FBXO11: variants seen among roughly 807,000 people sequenced by gnomAD.
FBXO11 encodes F-box only protein 11.
In FBXO11, 13 loss-of-function variants were observed where a neutral mutation model predicts 117.0. That is an observed-to-expected ratio of 0.11 (90% CI 0.07 to 0.18). The LOEUF is 0.18. Among genes scored for constraint, FBXO11 ranks in the 10% least tolerant of loss-of-function variants. FBXO11 has a pLI of 1.00. For missense variants in FBXO11, 767 were observed against 1,164.4 expected, an observed-to-expected ratio of 0.66 and a Z score of 4.97; for synonymous variants, 490 against 380.5, an observed-to-expected ratio of 1.29 and a Z score of -3.35.
intron 1 of FBXO11, among the ~76,000 whole-genome samples, chr2:47,889,307 A>G (rs1234653903): frequency 6.6e-6 from 1 of 152,234 alleles, no homozygotes; most frequent in Non-Finnish European, 1.5e-5. Context: ...AGAACCATGT[A>G]GACTATTCCC....
intron 1 of FBXO11, among the ~76,000 whole-genome samples, chr2:47,840,544 G>A (rs889557687): frequency 6.7e-6 from 1 of 148,312 alleles, no homozygotes; most frequent in Non-Finnish European, 1.5e-5. Flanking sequence ...TCAACCTCTT[G>A]GCCTCAAGCA....
At position 47,905,598 on chromosome 2, in the gene FBXO11, GGGC is replaced by G. The variant is rs923106260; in HGVS notation, c.120_122del (p.Pro41del). The stretch of plus-strand genomic sequence containing the variant: ...GCGGCGGCGGCGGAGGCTGCTGCTG[GGGC>G]GGCTGCTGCTGGGGCGGCTGCGGCG... On this transcript the variant is annotated inframe_deletion, in exon 1 of 23. Coordinates refer to ENST00000403359, the MANE Select transcript of FBXO11 (RefSeq NM_001190274.2). 27 of 1,294,084 alleles carry G rather than the reference GGGC, an allele frequency of 2.1e-5. No individual in the cohort carries two copies. The highest frequency in any genetic ancestry group is 2.3e-5 in the Non-Finnish European group (24 of 1,021,328). The allele number at this position is 1,294,084 out of a possible 1,614,324, so 80.2% of individuals were successfully genotyped here.
At chr2:47,855,908 T>TAG (rs1361042891) in intron 1 of FBXO11, among the ~76,000 whole-genome samples, 1 of 149,804 alleles carries the variant, frequency 6.7e-6, no homozygotes. Flanking sequence ...TGGTAAGATA[T>TAG]AGATGAGCCT....
chr2:47,893,472 T>C (rs1048500879), intron 1 of FBXO11, among the ~76,000 whole-genome samples: 1 of 152,178 alleles, frequency 6.6e-6, no homozygotes, highest in Non-Finnish European at 1.5e-5. Context: ...GCTCAGGAGA[T>C]AAATTATTAA....
intron 1 of FBXO11, among the ~76,000 whole-genome samples, chr2:47,874,988 A>G (rs921029621): frequency 6.6e-6 from 1 of 150,954 alleles, no homozygotes; most frequent in African/African-American, 2.4e-5. Context: ...CGTCTTCTGC[A>G]TTCAATTCTT....
intron 1 of FBXO11, among the ~76,000 whole-genome samples, chr2:47,878,465 TC>T (rs987695676): frequency 2.7e-4 from 41 of 151,842 alleles, no homozygotes; most frequent in African/African-American, 9.7e-4. Flanking sequence ...CAAGCAATTC[TC>T]CTGCCTCAGC....
At chr2:47,814,238 A>G (rs330787) in intron 16 of FBXO11, 125,438 of 186,678 alleles carry the variant, frequency 0.67, 43,090 homozygotes, top group African/African-American at 0.83. Context: ...AGAGAGTCGC[A>G]TCAATTTTTT....
At chr2:47,899,078 T>C (rs1223224460) in intron 1 of FBXO11, among the ~76,000 whole-genome samples, 2 of 151,876 alleles carry the variant, frequency 1.3e-5, no homozygotes, top group African/African-American at 2.4e-5. Context: ...ATCGAGACCA[T>C]CCTGGCTAAC....
At chr2:47,871,173 C>G (rs1675599081) in intron 1 of FBXO11, among the ~76,000 whole-genome samples, 1 of 152,166 alleles carries the variant, frequency 6.6e-6, no homozygotes, top group Non-Finnish European at 1.5e-5. Context: ...TAGCTACCTG[C>G]TTGCTCTCTT....
intron 1 of FBXO11, among the ~76,000 whole-genome samples, chr2:47,849,448 G>A (rs1222717845): frequency 6.6e-6 from 1 of 152,052 alleles, no homozygotes; most frequent in Non-Finnish European, 1.5e-5. Flanking sequence ...TACTTAAAAT[G>A]ACTTAAAAAA....
chr2:47,868,582 C>T (rs1053724475), intron 1 of FBXO11, among the ~76,000 whole-genome samples: 3 of 152,164 alleles, frequency 2.0e-5, no homozygotes, highest in Non-Finnish European at 4.4e-5. Context: ...TAATCGCCCA[C>T]ATTCCATATT....
At chr2:47,828,500 C>T (rs74493391) in intron 11 of FBXO11, among the ~76,000 whole-genome samples, 10 of 151,842 alleles carry the variant, frequency 6.6e-5, no homozygotes, top group Admixed American at 3.3e-4. Context: ...CCCACCTACT[C>T]GGGAGACTGA....
chr2:47,820,410 A>C lies in FBXO11; in HGVS notation c.1749T>G (p.Ile583Met). The change falls in exon 14 of 23, where the codon ATT becomes ATG. Residue 583 changes from isoleucine (I) to methionine (M), a missense_variant. Transcript: ENST00000403359. ...GIQIRTNSCP[I>M]VRHNKIHDGQ... The stretch of plus-strand genomic sequence containing the variant: ...CATCATGAATTTTGTTATGCCGAAC[A>C]ATTGGACAACTGTTTGTCCTAATTT... 6.2e-7 allele frequency: 1 copy of C among 1,613,952 alleles called. No homozygotes were observed. Among genetic ancestry groups the C allele is most frequent in the South Asian group, 1.1e-5 (1 of 91,074 alleles).
intron 21 of FBXO11, 180 bp from the exon 22 acceptor site, chr2:47,808,607 C>G (rs539221200): frequency 3.9e-6 from 2 of 517,082 alleles, no homozygotes; most frequent in East Asian, 3.0e-5. Context: ...TTCCTGTCAT[C>G]TGTGTCTTCG....
chr2:47,901,008 T>C (rs914980013), intron 1 of FBXO11, among the ~76,000 whole-genome samples: 1 of 143,552 alleles, frequency 7.0e-6, no homozygotes, highest in Non-Finnish European at 1.5e-5. Context: ...GGTGGGGAGA[T>C]ATATATATTT....
intron 1 of FBXO11, among the ~76,000 whole-genome samples, chr2:47,904,793 A>T (rs1487491230): frequency 6.6e-6 from 1 of 151,688 alleles, no homozygotes; most frequent in Non-Finnish European, 1.5e-5. Flanking sequence ...TGGCCGATGG[A>T]TTCTATATTT....
At position 47,808,435 on chromosome 2, in the gene FBXO11, G is replaced by C. The variant is rs1670374668; in HGVS notation, c.2556-8C>G. 1.9e-6 allele frequency: 3 copies of C among 1,574,686 alleles called. No individual in the cohort carries two copies. Among genetic ancestry groups the C allele is most frequent in the Non-Finnish European group, 2.6e-6 (3 of 1,164,946 alleles). The stretch of plus-strand genomic sequence containing the variant: ...GTGTTACAAGTATGACATCTAAAAA[G>C]CAAAAGCTTAAATTACTTTTCTCAA... On this transcript the variant is annotated splice_region_variant and splice_polypyrimidine_tract_variant and intron_variant, in intron 21 of 22. Coordinates refer to ENST00000403359, the MANE Select transcript of FBXO11 (RefSeq NM_001190274.2).
At chr2:47,818,723 C>T in intron 16 of FBXO11, 56 bp downstream of exon 16, 2 of 1,219,940 alleles carry the variant, frequency 1.6e-6, no homozygotes, top group Non-Finnish European at 2.3e-6. Context: ...TTCTTTTACA[C>T]ACCCCACATA....
chr2:47,883,505 T>A (rs1676587798), intron 1 of FBXO11: 10 of 409,202 alleles, frequency 2.4e-5, no homozygotes, highest in South Asian at 1.4e-4. Flanking sequence ...CCCTCCAGAT[T>A]GAACCCTTGG....
Sources: gnomAD v4.1 joint callset for allele counts (sites outside exome capture counted in the v4.1 genomes callset) on GRCh38, gnomAD v4.1.1 for gene constraint, MANE v1.5 for transcripts, NCBI Gene and HGNC (gene_info 2026-07-23, HGNC 2026-07-21) for gene names.